DPP10: variants seen among roughly 807,000 people sequenced by gnomAD.
The protein encoded by DPP10 is inactive dipeptidyl peptidase 10.
A neutral mutation model predicts 120.9 loss-of-function variants in DPP10; 33 were observed. That is an observed-to-expected ratio of 0.27 (90% CI 0.21 to 0.37). The LOEUF (loss-of-function observed/expected upper bound fraction) is 0.37. Among genes scored for constraint, DPP10 ranks in the 10% least tolerant of loss-of-function variants. The pLI, the probability that DPP10 is intolerant of heterozygous loss-of-function variation, is 1.00. For missense variants in DPP10, 816 were observed against 942.8 expected (o/e 0.87, Z 1.76); for synonymous variants, 337 against 326.1 (o/e 1.03, Z -0.36).
At chr2:115,389,278 AACACACACACAC>A (rs3980953) in intron 3 of DPP10, among the ~76,000 whole-genome samples, 1 of 149,644 alleles carries the variant, frequency 6.7e-6, no homozygotes, top group Non-Finnish European at 1.5e-5. Flanking sequence ...CACACACACA[AACACACACACAC>A]ACACACACAC....
At chr2:115,507,765 C>G (rs1370189599) in intron 4 of DPP10, among the ~76,000 whole-genome samples, 1 of 152,104 alleles carries the variant, frequency 6.6e-6, no homozygotes, top group Non-Finnish European at 1.5e-5. Flanking sequence ...AAAGTACACT[C>G]TGTCAATTAT....
intron 1 of DPP10, among the ~76,000 whole-genome samples, chr2:115,073,500 C>G (rs1707541623): frequency 6.6e-6 from 1 of 152,216 alleles, no homozygotes; most frequent in African/African-American, 2.4e-5. Context: ...TGTTAGAGGG[C>G]AGTTCCTTCT....
chr2:114,835,134 T>C (rs1002666886), intron 1 of DPP10: 1 of 149,934 alleles, frequency 6.7e-6, no homozygotes, highest in African/African-American at 2.5e-5. Flanking sequence ...ATATAAGACA[T>C]ATCTACACAC....
At chr2:115,207,634 G>C in intron 1 of DPP10, among the ~76,000 whole-genome samples, 1 of 152,154 alleles carries the variant, frequency 6.6e-6, no homozygotes, top group Non-Finnish European at 1.5e-5. Flanking sequence ...GCATGTCCCT[G>C]TGATGCCACA....
chr2:115,390,904 G>A (rs1053888254), intron 3 of DPP10, among the ~76,000 whole-genome samples: 5 of 152,032 alleles, frequency 3.3e-5, no homozygotes, highest in Admixed American at 6.6e-5. Flanking sequence ...CATCCTCACC[G>A]TCATCTTGTA....
At chr2:114,592,029 G>C (rs1375343311) in intron 1 of DPP10, among the ~76,000 whole-genome samples, 1 of 151,654 alleles carries the variant, frequency 6.6e-6, no homozygotes, top group African/African-American at 2.4e-5. Flanking sequence ...CATGCAGACA[G>C]TGTTGAGAAA....
At chr2:115,803,203 G>T (rs4487100) in intron 19 of DPP10, among the ~76,000 whole-genome samples, 147,618 of 152,292 alleles carry the variant, frequency 0.97, 71,743 homozygotes, top group East Asian at 1. Context: ...CTTTGTCTCT[G>T]TTGATCTTTG....
chr2:114,516,268 G>A (rs1372320549), intron 1 of DPP10, among the ~76,000 whole-genome samples: 5 of 152,138 alleles, frequency 3.3e-5, no homozygotes, highest in African/African-American at 4.8e-5. Context: ...GGGCAAATTC[G>A]GGAGATAATT....
intron 5 of DPP10, among the ~76,000 whole-genome samples, chr2:115,543,242 C>T (rs932440764): frequency 2.0e-5 from 3 of 151,962 alleles, no homozygotes; most frequent in Non-Finnish European, 4.4e-5. Flanking sequence ...TCCGGTCTTC[C>T]GGTCCATTTG....
At chr2:114,699,652 G>A (rs943947376) in intron 1 of DPP10, among the ~76,000 whole-genome samples, 6 of 152,064 alleles carry the variant, frequency 3.9e-5, no homozygotes, top group Admixed American at 3.9e-4. Context: ...ACCAGTAAGA[G>A]GAAGGTTTAC....
intron 1 of DPP10, among the ~76,000 whole-genome samples, chr2:114,573,263 C>A (rs1445782616): frequency 6.6e-6 from 1 of 152,090 alleles, no homozygotes; most frequent in Non-Finnish European, 1.5e-5. Context: ...TGACTACAGG[C>A]AAGAGCCATC....
At chr2:115,191,365 T>A (rs2054867640) in intron 1 of DPP10, among the ~76,000 whole-genome samples, 1 of 152,220 alleles carries the variant, frequency 6.6e-6, no homozygotes, top group Admixed American at 6.5e-5. Flanking sequence ...CTTGTCCCAG[T>A]TCACAGATTT....
At chr2:115,377,930 G>C (rs1391667615) in intron 3 of DPP10, among the ~76,000 whole-genome samples, 1 of 152,080 alleles carries the variant, frequency 6.6e-6, no homozygotes, top group Non-Finnish European at 1.5e-5. Flanking sequence ...TTTGGTACCA[G>C]TACCATGCTG....
rs140989119 is a variant in DPP10, at chr2:115,803,319, G to A, written c.1701-11474G>A. ...CTCCATCCCTTTATTTTGAGCCTAT[G>A]TGTGTCTCTGCACGTGAGATGGGTT... On this transcript the variant is annotated intron_variant, in intron 19 of 25. Coordinates refer to ENST00000410059, the MANE Select transcript of DPP10 (RefSeq NM_020868.6). 2.6e-3 allele frequency among the ~76,000 whole-genome samples: 393 copies of A among 152,130 alleles called. 12 individuals are homozygous for A. In the South Asian group the frequency reaches 0.035, roughly 14 times the overall value.
intron 5 of DPP10, among the ~76,000 whole-genome samples, chr2:115,552,449 G>A (rs538637256): frequency 2.0e-5 from 3 of 152,064 alleles, no homozygotes; most frequent in Admixed American, 6.6e-5. Context: ...TGCCTCACAC[G>A]GAATTATTAT....
intron 17 of DPP10, among the ~76,000 whole-genome samples, chr2:115,783,219 T>C (rs1682971923): frequency 1.3e-5 from 2 of 152,130 alleles, no homozygotes; most frequent in African/African-American, 2.4e-5. Flanking sequence ...AATTTGATTA[T>C]CCCTTTTTAC....
At chr2:114,502,340 C>T (rs1425281323) in intron 1 of DPP10, among the ~76,000 whole-genome samples, 1 of 152,110 alleles carries the variant, frequency 6.6e-6, no homozygotes, top group East Asian at 1.9e-4. Flanking sequence ...CCATTACAAG[C>T]ATTTTTCAAA....
intron 1 of DPP10, among the ~76,000 whole-genome samples, chr2:115,121,217 G>A (rs547054236): frequency 6.6e-6 from 1 of 152,356 alleles, no homozygotes; most frequent in East Asian, 1.9e-4. Context: ...GGGGCTTTTA[G>A]ACATTACCTG....
chr2:115,089,540 C>T (rs978190568), intron 1 of DPP10, among the ~76,000 whole-genome samples: 1 of 152,154 alleles, frequency 6.6e-6, no homozygotes, highest in Non-Finnish European at 1.5e-5. Context: ...TCCTCCCATA[C>T]TGTACAAATA....
Sources: gnomAD v4.1 joint callset for allele counts (sites outside exome capture counted in the v4.1 genomes callset) on GRCh38, gnomAD v4.1.1 for gene constraint, MANE v1.5 for transcripts, NCBI Gene and HGNC (gene_info 2026-07-23, HGNC 2026-07-21) for gene names.